Variants in LRRC69 observed in about 807,000 individuals in gnomAD.
LRRC69 encodes leucine rich repeat containing 69.
A neutral mutation model predicts 37.8 loss-of-function variants in LRRC69; 42 were observed. The observed-to-expected ratio is 1.11, with a 90% CI of 0.87 to 1.44. The LOEUF is 1.44. Among genes scored for constraint, LRRC69 ranks in the 40% most tolerant of loss-of-function variants. The pLI is 0.00. For missense variants in LRRC69, 357 were observed against 401.9 expected (o/e 0.89, Z 0.96); for synonymous variants, 141 against 143.1 (o/e 0.99, Z 0.11).
chr8:91,145,858 T>G (rs1343333471), intron 5 of LRRC69, among the ~76,000 whole-genome samples: 2 of 151,896 alleles, frequency 1.3e-5, no homozygotes, highest in African/African-American at 4.8e-5. Flanking sequence ...CTTTCACCAT[T>G]GTAATTCTAA....
At chr8:91,146,324 C>G (rs1272861290) in intron 5 of LRRC69, among the ~76,000 whole-genome samples, 3 of 151,738 alleles carry the variant, frequency 2.0e-5, no homozygotes, top group Admixed American at 6.6e-5. Flanking sequence ...TGTTGAGAGG[C>G]CAGAAGGACA....
intron 4 of LRRC69, 29 bp from the exon 5 acceptor site, chr8:91,135,639 A>G: frequency 3.0e-6 from 4 of 1,333,174 alleles, no homozygotes; most frequent in Non-Finnish European, 3.0e-6. Context: ...TAGATTTAAA[A>G]AATCTCTCTC....
intron 5 of LRRC69, among the ~76,000 whole-genome samples, chr8:91,176,166 C>T (rs1809226046): frequency 9.6e-6 from 1 of 104,096 alleles, no homozygotes; most frequent in Admixed American, 9.9e-5. Context: ...GAGACAGTCT[C>T]ACTCTGTCAC....
At chr8:91,117,279 T>C (rs895234893) in intron 1 of LRRC69, among the ~76,000 whole-genome samples, 2 of 152,034 alleles carry the variant, frequency 1.3e-5, no homozygotes, top group African/African-American at 4.8e-5. Flanking sequence ...TGCTATGTAA[T>C]GCTACAGGCA....
chr8:91,145,962 G>C (rs1808612081), intron 5 of LRRC69, among the ~76,000 whole-genome samples: 1 of 151,680 alleles, frequency 6.6e-6, no homozygotes, highest in Non-Finnish European at 1.5e-5. Flanking sequence ...TCAAATTCTT[G>C]TTTTAAAAAT....
intron 6 of LRRC69, among the ~76,000 whole-genome samples, chr8:91,195,580 T>A (rs907466496): frequency 2.7e-4 from 41 of 150,226 alleles, no homozygotes; most frequent in African/African-American, 9.2e-4. Context: ...GTTGAATTGA[T>A]CCCTTTACCA....
chr8:91,198,826 ATAC>A (rs951704863), intron 6 of LRRC69, among the ~76,000 whole-genome samples: 3 of 152,172 alleles, frequency 2.0e-5, no homozygotes, highest in Non-Finnish European at 2.9e-5. Flanking sequence ...GTCCTAAAAG[ATAC>A]TATTGGTCAT....
At chr8:91,115,252 G>A (rs934162932) in intron 1 of LRRC69, among the ~76,000 whole-genome samples, 5 of 152,002 alleles carry the variant, frequency 3.3e-5, no homozygotes, top group Non-Finnish European at 7.3e-5. Flanking sequence ...AGATAAATGG[G>A]TGGAGAAAGC....
At chr8:91,180,943 A>G (rs1233305685) in intron 5 of LRRC69, among the ~76,000 whole-genome samples, 2 of 152,120 alleles carry the variant, frequency 1.3e-5, no homozygotes, top group Non-Finnish European at 2.9e-5. Flanking sequence ...AAAGGGCAAG[A>G]GAAGAAAATA....
At chr8:91,120,654 G>T (rs1813602339) in intron 1 of LRRC69, among the ~76,000 whole-genome samples, 1 of 152,112 alleles carries the variant, frequency 6.6e-6, no homozygotes, top group South Asian at 2.1e-4. Flanking sequence ...TTCCAAGAAG[G>T]GCGCAGGAGA....
intron 5 of LRRC69, among the ~76,000 whole-genome samples, chr8:91,160,801 G>A (rs929031300): frequency 2.6e-5 from 4 of 151,128 alleles, no homozygotes; most frequent in African/African-American, 9.7e-5. Flanking sequence ...AGTAATACAA[G>A]TATTATACTA....
In LRRC69 at chr8:91,194,982, T is replaced by G. The variant is rs981183644; in HGVS notation, c.753+5359T>G. Among the ~76,000 whole-genome samples, 113 of 152,296 alleles carry G rather than the reference T, an allele frequency of 7.4e-4. 1 individual carries two copies. The highest frequency in any genetic ancestry group is 2.6e-3 in the African/African-American group (107 of 41,558). ...TCCTGCTTTGTCTTGTGGGCATTTATTGCTATAAATTTCCCTCTACACAGT... is the reference window on the plus strand; with the variant it reads ...TCCTGCTTTGTCTTGTGGGCATTTAGTGCTATAAATTTCCCTCTACACAGT... On this transcript the variant is annotated intron_variant, in intron 6 of 7. Coordinates refer to ENST00000448384, the Ensembl canonical transcript of LRRC69.
At chr8:91,195,696 G>C (rs1374626023) in intron 6 of LRRC69, among the ~76,000 whole-genome samples, 3 of 152,114 alleles carry the variant, frequency 2.0e-5, no homozygotes, top group Admixed American at 2.0e-4. Flanking sequence ...CCATTTGCTT[G>C]GAAGATCTTC....
At chr8:91,127,654 A>T (rs1813743804) in intron 3 of LRRC69, among the ~76,000 whole-genome samples, 1 of 145,426 alleles carries the variant, frequency 6.9e-6, no homozygotes, top group African/African-American at 2.5e-5. Flanking sequence ...TATCCTGCAT[A>T]TCTGCACAGG....
intron 5 of LRRC69, among the ~76,000 whole-genome samples, chr8:91,177,558 A>G (rs1392891427): frequency 6.6e-6 from 1 of 152,186 alleles, no homozygotes; most frequent in Non-Finnish European, 1.5e-5. Context: ...TGCCAATAGT[A>G]TTAGGCTCCT....
chr8:91,124,402 C>T, intron 1 of LRRC69, 91 bp from the exon 2 acceptor site: 3 of 975,678 alleles, frequency 3.1e-6, no homozygotes, highest in African/African-American at 1.7e-5. Context: ...TCTTAGGTTA[C>T]ATAGATGTGA....
chr8:91,137,645 G>A (rs1198630581), intron 5 of LRRC69, among the ~76,000 whole-genome samples: 1 of 152,012 alleles, frequency 6.6e-6, no homozygotes, highest in Non-Finnish European at 1.5e-5. Flanking sequence ...AATTTTGACA[G>A]GTCTGAGTTG....
rs573359781 is a variant in LRRC69, at chr8:91,118,693, T to A, written c.184-5800T>A. 1.4e-4 allele frequency: 22 copies of A among 161,268 alleles called. 1 individual carries two copies. In the South Asian group the frequency reaches 3.5e-3, roughly 26 times the overall value. 10.0% of individuals were successfully genotyped at this position (161,268 alleles called of 1,614,324 possible). A position where few individuals can be genotyped will look rare whatever the true frequency, so the allele number is the denominator to read the frequency against. On this transcript the variant is annotated intron_variant, in intron 1 of 7. Coordinates refer to ENST00000448384, the Ensembl canonical transcript of LRRC69. ...GAGAGAGAATACCAATAGAACTTCATTCTACATTTAATTACTGAAGAGATG... is the reference window on the plus strand; with the variant it reads ...GAGAGAGAATACCAATAGAACTTCAATCTACATTTAATTACTGAAGAGATG...
chr8:91,142,958 A>T (rs1808555408), intron 5 of LRRC69, among the ~76,000 whole-genome samples: 1 of 152,042 alleles, frequency 6.6e-6, no homozygotes, highest in Non-Finnish European at 1.5e-5. Context: ...ATTCTTGTAT[A>T]CTCTGAAAAA....
Sources: gnomAD v4.1 joint callset for allele counts (sites outside exome capture counted in the v4.1 genomes callset) on GRCh38, gnomAD v4.1.1 for gene constraint, MANE v1.5 for transcripts, NCBI Gene and HGNC (gene_info 2026-07-23, HGNC 2026-07-21) for gene names.